The following DGKI variants were observed in gnomAD, a reference collection of about 807,000 sequenced individuals.
DGKI encodes the protein diacylglycerol kinase iota, also known as DAG kinase iota.
In DGKI, 55 loss-of-function variants were observed where a neutral mutation model predicts 147.5. That is an observed-to-expected ratio of 0.37 (90% CI 0.30 to 0.47). The LOEUF (loss-of-function observed/expected upper bound fraction) is 0.47, where lower values mean the gene tolerates loss of function less well. DGKI is among the 20% of genes least tolerant of loss of function. The pLI is 1.00. For synonymous variants in DGKI, 469 were observed against 477.1 expected, an observed-to-expected ratio of 0.98 and a Z score of 0.22; for missense variants, 1,007 against 1,323.8, an observed-to-expected ratio of 0.76 and a Z score of 3.71.
chr7:137,394,329 T>TA (rs1403765916), intron 32 of DGKI, among the ~76,000 whole-genome samples: 1 of 152,204 alleles, frequency 6.6e-6, no homozygotes, highest in Non-Finnish European at 1.5e-5. Context: ...TTGTTAGTGT[T>TA]AGTGTATTTC....
chr7:137,592,612 C>T (rs1157702118), intron 12 of DGKI, among the ~76,000 whole-genome samples: 3 of 152,160 alleles, frequency 2.0e-5, no homozygotes, highest in African/African-American at 2.4e-5. Flanking sequence ...AACAGATGCA[C>T]GTTGCGCTGC....
At chr7:137,620,368 A>G (rs1820704909) in intron 7 of DGKI, among the ~76,000 whole-genome samples, 1 of 152,164 alleles carries the variant, frequency 6.6e-6, no homozygotes, top group African/African-American at 2.4e-5. Context: ...CTGGCCATGG[A>G]CTTGGTTGAT....
At chr7:137,581,055 CAG>C (rs1352917738) in intron 15 of DGKI, among the ~76,000 whole-genome samples, 3 of 151,922 alleles carry the variant, frequency 2.0e-5, no homozygotes, top group African/African-American at 4.8e-5. Context: ...CAGAATGAGA[CAG>C]AAAGAGAGAG....
intron 21 of DGKI, among the ~76,000 whole-genome samples, chr7:137,507,268 G>A (rs1256432368): frequency 6.6e-6 from 1 of 152,218 alleles, no homozygotes; most frequent in Non-Finnish European, 1.5e-5. Flanking sequence ...CCTAGCTTGA[G>A]CTAAACCAGG....
intron 20 of DGKI, among the ~76,000 whole-genome samples, chr7:137,527,522 T>C (rs1817193526): frequency 6.6e-6 from 1 of 152,168 alleles, no homozygotes; most frequent in Admixed American, 6.6e-5. Flanking sequence ...ATATTATGAA[T>C]ATAAATCTTA....
chr7:137,604,712 G>A (rs1820112074), intron 10 of DGKI, among the ~76,000 whole-genome samples: 1 of 152,154 alleles, frequency 6.6e-6, no homozygotes, highest in Non-Finnish European at 1.5e-5. Context: ...CTAGAGGTCA[G>A]AACATTGCTT....
intron 1 of DGKI, among the ~76,000 whole-genome samples, chr7:137,796,551 G>T (rs1047447581): frequency 6.6e-6 from 1 of 151,524 alleles, no homozygotes; most frequent in African/African-American, 2.4e-5. Flanking sequence ...ATCTTGCCTA[G>T]AGAGTTAAAG....
In DGKI at chr7:137,596,564, A is replaced by C. The variant is rs181524711; in HGVS notation, c.1311+1283T>G. ...GTGGGGGAAAAAAATTCCATGGCCA[A>C]ATAATTTTGAAAAACGTTGGGTTTA... On this transcript the variant is annotated intron_variant, in intron 12 of 32. Transcript: ENST00000614521. Among the ~76,000 whole-genome samples, 30 of 152,326 alleles carry C rather than the reference A, an allele frequency of 2.0e-4. No homozygotes were observed. The East Asian group carries it at 5.4e-3, about 27-fold the overall frequency.
chr7:137,731,784 G>A (rs1359863702), intron 1 of DGKI, among the ~76,000 whole-genome samples: 3 of 151,930 alleles, frequency 2.0e-5, no homozygotes, highest in Non-Finnish European at 4.4e-5. Flanking sequence ...TTGAAGCTTG[G>A]CCCACTTGAC....
intron 1 of DGKI, among the ~76,000 whole-genome samples, chr7:137,702,842 C>T (rs1014743332): frequency 4.6e-5 from 7 of 152,154 alleles, no homozygotes; most frequent in Admixed American, 3.9e-4. Context: ...CTTTCACCAG[C>T]GGCATTTGTT....
rs1477020266 is a variant in DGKI at position 137,585,345 on chromosome 7, C to T, written c.1427G>A (p.Gly476Asp). 6.2e-7 allele frequency: 1 copy of T among 1,613,814 alleles called. No homozygotes were observed. The highest frequency in any genetic ancestry group is 1.1e-5 in the South Asian group (1 of 90,986). Reference protein sequence around the residue: ...DLARTLNWGGGYTDEPVSKIL... With the variant: ...DLARTLNWGGDYTDEPVSKIL... ...CTTAGAAACAGGTTCATCAGTGTAG[C>T]CCTGAGGAATCAGAGAACATATCCA... Residue 476 changes from glycine to aspartate, a missense_variant and splice_region_variant, in exon 14 of 33, where the codon GGC becomes GAC. By Grantham distance (94) the Gly-to-Asp change is moderately conservative. This residue lies in a region of DGKI where 224 missense variants were observed against 382.7 expected (regional missense o/e 0.59). Transcript: ENST00000614521.
At chr7:137,492,807 G>A (rs1815817283) in intron 21 of DGKI, among the ~76,000 whole-genome samples, 1 of 152,158 alleles carries the variant, frequency 6.6e-6, no homozygotes, top group Admixed American at 6.5e-5. Context: ...ACCCCTGTAT[G>A]CTGGCATCTC....
At chr7:137,450,381 C>T (rs1168085902) in intron 27 of DGKI, among the ~76,000 whole-genome samples, 4 of 152,004 alleles carry the variant, frequency 2.6e-5, no homozygotes, top group African/African-American at 7.3e-5. Flanking sequence ...ATGTTGTATA[C>T]AACACATAAT....
intron 1 of DGKI, among the ~76,000 whole-genome samples, chr7:137,836,920 G>GTC (rs1798400687): frequency 6.6e-6 from 1 of 152,160 alleles, no homozygotes; most frequent in South Asian, 2.1e-4. Flanking sequence ...AAACACATGG[G>GTC]TCTCTCTCCT....
chr7:137,729,460 C>T (rs1794806643), intron 1 of DGKI, among the ~76,000 whole-genome samples: 1 of 152,050 alleles, frequency 6.6e-6, no homozygotes, highest in Non-Finnish European at 1.5e-5. Flanking sequence ...CAAAGAGACT[C>T]CAAGGATATT....
intron 1 of DGKI, among the ~76,000 whole-genome samples, chr7:137,794,941 G>A (rs553418802): frequency 1.9e-4 from 29 of 152,232 alleles, no homozygotes; most frequent in South Asian, 1.9e-3. Flanking sequence ...GTCCAGCTAC[G>A]TCCTTTTTAA....
chr7:137,636,423 A>G (rs932449432), intron 6 of DGKI, among the ~76,000 whole-genome samples: 3 of 152,210 alleles, frequency 2.0e-5, no homozygotes, highest in Non-Finnish European at 2.9e-5. Flanking sequence ...CAGAACCCTG[A>G]AAGAGCTGCT....
chr7:137,692,488 GA>G (rs1400767032), intron 1 of DGKI, among the ~76,000 whole-genome samples: 1 of 152,080 alleles, frequency 6.6e-6, no homozygotes, highest in Admixed American at 6.5e-5. Flanking sequence ...ATTTTTTTAA[GA>G]GAGGAAACAA....
intron 1 of DGKI, among the ~76,000 whole-genome samples, chr7:137,699,284 G>T (rs917339014): frequency 5.3e-5 from 8 of 152,208 alleles, no homozygotes; most frequent in Non-Finnish European, 1.2e-4. Flanking sequence ...CACCTTGGGG[G>T]TTAGGATTTT....
Sources: gnomAD v4.1 joint callset for allele counts (sites outside exome capture counted in the v4.1 genomes callset) on GRCh38, gnomAD v4.1.1 for gene constraint, gnomAD v4.1.1 regional missense constraint, MANE v1.5 for transcripts, NCBI Gene and HGNC (gene_info 2026-07-23, HGNC 2026-07-21) for gene names.